CYP4X1: variants seen among roughly 807,000 people sequenced by gnomAD.
CYP4X1 encodes the protein cytochrome P450 family 4 subfamily X member 1, also known as cytochrome P450 4X1.
Under a neutral mutation model 57.9 loss-of-function variants are expected in CYP4X1, and 44 were observed. The ratio of observed to expected loss-of-function variants is 0.76; its 90% CI spans 0.60 to 0.98. CYP4X1 has a LOEUF of 0.98. Among genes scored for constraint, CYP4X1 ranks in the 50% least tolerant of loss-of-function variants. CYP4X1 has a pLI of 0.00. For missense variants in CYP4X1, 532 were observed against 623.9 expected, an observed-to-expected ratio of 0.85 and a Z score of 1.57; for synonymous variants, 227 against 228.6, an observed-to-expected ratio of 0.99 and a Z score of 0.06.
chr1:47,047,273 A>T (rs1212670269), intron 9 of CYP4X1, among the ~76,000 whole-genome samples: 1 of 152,166 alleles, frequency 6.6e-6, no homozygotes, highest in South Asian at 2.1e-4. Context: ...AGCAGGGCTT[A>T]TAGGAAGCAG....
the CYP4X1 span, among the ~76,000 whole-genome samples, chr1:46,976,392 G>C: frequency 6.6e-6 from 1 of 152,270 alleles, no homozygotes; most frequent in East Asian, 1.9e-4. Flanking sequence ...GCCTGGCTGA[G>C]GGAGGGGCAT....
chr1:46,999,935 T>C, the CYP4X1 span, among the ~76,000 whole-genome samples: 1 of 152,082 alleles, frequency 6.6e-6, no homozygotes, highest in Non-Finnish European at 1.5e-5. Context: ...GAGTTAAGAC[T>C]TTGTGGGATG....
chr1:47,005,272 T>G, the CYP4X1 span, among the ~76,000 whole-genome samples: 1 of 152,144 alleles, frequency 6.6e-6, no homozygotes. Flanking sequence ...AATGGGAAAG[T>G]GGGATGGTGT....
At chr1:46,963,742 C>A in the CYP4X1 span, among the ~76,000 whole-genome samples, 2 of 152,066 alleles carry the variant, frequency 1.3e-5, no homozygotes, top group Non-Finnish European at 2.9e-5. Flanking sequence ...CTCTTCTTGA[C>A]GAGTATCTTT....
the CYP4X1 span, among the ~76,000 whole-genome samples, chr1:47,016,654 C>A: frequency 6.6e-6 from 1 of 151,980 alleles, no homozygotes; most frequent in Non-Finnish European, 1.5e-5. Context: ...GTGTATATAT[C>A]TATGGGGTAC....
the CYP4X1 span, among the ~76,000 whole-genome samples, chr1:47,010,912 A>T: frequency 6.6e-6 from 1 of 152,258 alleles, no homozygotes; most frequent in African/African-American, 2.4e-5. Context: ...AAAAGAGGAT[A>T]CAAACAAATG....
the CYP4X1 span, among the ~76,000 whole-genome samples, chr1:47,010,926 T>G: frequency 1.3e-5 from 2 of 152,100 alleles, no homozygotes; most frequent in African/African-American, 4.8e-5. Flanking sequence ...ACAAATGGAC[T>G]AACATTCCAT....
intron 8 of CYP4X1, among the ~76,000 whole-genome samples, chr1:47,045,816 A>G (rs1644294931): frequency 6.6e-6 from 1 of 152,178 alleles, no homozygotes; most frequent in Admixed American, 6.6e-5. Context: ...GGGACAAGAG[A>G]ATAATTGTCC....
intron 1 of CYP4X1, among the ~76,000 whole-genome samples, chr1:47,028,659 A>G (rs2148505650): frequency 6.6e-6 from 1 of 152,350 alleles, no homozygotes; most frequent in Non-Finnish European, 1.5e-5. Flanking sequence ...GAGTTACAAA[A>G]AGTATAATGA....
chr1:47,050,211 C>A lies in CYP4X1; in HGVS notation c.*37C>A. The A allele has an allele frequency of 6.2e-7, 1 of 1,607,494 alleles. No homozygotes were observed. The highest frequency in any genetic ancestry group is 1.1e-5 in the South Asian group (1 of 90,348). On this transcript the variant is annotated 3_prime_UTR_variant, in exon 12 of 12. Coordinates refer to ENST00000371901, the MANE Select transcript of CYP4X1 (RefSeq NM_178033.2). ...CAATGATTAAACGTACTTTGTTTTTCGAAGTTAAATTTACAGCTAATGATC... is the reference window on the plus strand; with the variant it reads ...CAATGATTAAACGTACTTTGTTTTTAGAAGTTAAATTTACAGCTAATGATC...
chr1:47,039,497 C>G lies in CYP4X1; in HGVS notation c.1038C>G (p.Val346=). The G allele has an allele frequency of 1.2e-6, 2 of 1,612,138 alleles. No individual in the cohort carries two copies. Among genetic ancestry groups the G allele is most frequent in the Non-Finnish European group, 1.7e-6 (2 of 1,179,242 alleles). Residue 346 remains valine, a synonymous_variant, in exon 8 of 12, where the codon GTC becomes GTG. Coordinates refer to ENST00000371901, the MANE Select transcript of CYP4X1 (RefSeq NM_178033.2). Reference sequence around the variant, plus strand: ...ATCAAGAGAGATGCCGGGAGGAGGTCAGGGGCATCCTGGGGGATGGGTCTT... The same window carrying G: ...ATCAAGAGAGATGCCGGGAGGAGGTGAGGGGCATCCTGGGGGATGGGTCTT... The part of the protein sequence containing the change: ...PEHQERCREE[V]RGILGDGSSI...
Position 47,038,187 on chromosome 1 carries a change from T to C in CYP4X1, c.776-473T>C, listed in dbSNP as rs75928700. Among the ~76,000 whole-genome samples the C allele has an allele frequency of 4.9e-3, 741 of 152,312 alleles. 14 individuals carry two copies. The highest frequency in any genetic ancestry group is 0.047 in the East Asian group (244 of 5,188). On this transcript the variant is annotated intron_variant, in intron 6 of 11. Coordinates refer to ENST00000371901, the MANE Select transcript of CYP4X1 (RefSeq NM_178033.2). ...ATTACCCATGTAACAAACCTGTACATGTACCCCTGTATCTAAAATAAAAGT... is the reference window on the plus strand; with the variant it reads ...ATTACCCATGTAACAAACCTGTACACGTACCCCTGTATCTAAAATAAAAGT...
chr1:46,997,766 G>C, the CYP4X1 span, among the ~76,000 whole-genome samples: 2 of 152,120 alleles, frequency 1.3e-5, no homozygotes, highest in East Asian at 3.8e-4. Flanking sequence ...CTAGTTCTTT[G>C]AGAAATTTCT....
the CYP4X1 span, among the ~76,000 whole-genome samples, chr1:46,991,380 C>T: frequency 5.9e-5 from 9 of 152,176 alleles, no homozygotes; most frequent in South Asian, 2.1e-4. Flanking sequence ...AAGCCCCAGA[C>T]GGCTGAATAT....
the CYP4X1 span, among the ~76,000 whole-genome samples, chr1:46,971,804 A>G: frequency 6.6e-6 from 1 of 151,710 alleles, no homozygotes; most frequent in East Asian, 1.9e-4. Flanking sequence ...TGGCTTGTTA[A>G]TTTAAGCTTG....
the CYP4X1 span, among the ~76,000 whole-genome samples, chr1:46,983,556 T>TGG: frequency 6.6e-6 from 1 of 152,152 alleles, no homozygotes; most frequent in Non-Finnish European, 1.5e-5. Context: ...AGTGCTCAGG[T>TGG]GGGGGCAGGG....
At chr1:46,968,236 C>T in the CYP4X1 span, among the ~76,000 whole-genome samples, 24 of 152,286 alleles carry the variant, frequency 1.6e-4, no homozygotes, top group Admixed American at 1.4e-3. Context: ...TCCTTCATTA[C>T]CCATGCCTGT....
At chr1:47,013,836 C>T in the CYP4X1 span, among the ~76,000 whole-genome samples, 1 of 138,880 alleles carries the variant, frequency 7.2e-6, no homozygotes, top group Non-Finnish European at 1.5e-5. Flanking sequence ...GATCTCAGTT[C>T]ACTGCAATCT....
At chr1:47,049,615 G>A in intron 11 of CYP4X1, 111 bp downstream of exon 11, 4 of 961,034 alleles carry the variant, frequency 4.2e-6, no homozygotes, top group Middle Eastern at 2.2e-4. Context: ...GTAGATCTTG[G>A]TGCCTATTTG....
Sources: allele counts gnomAD v4.1 joint callset (sites outside exome capture counted in the v4.1 genomes callset), GRCh38; gene constraint gnomAD v4.1.1; transcripts MANE v1.5; gene names NCBI Gene and HGNC (gene_info 2026-07-23, HGNC 2026-07-21).